CSMD1: variants seen among roughly 807,000 people sequenced by gnomAD.
CSMD1 encodes the protein CUB and sushi domain-containing protein 1.
Under a neutral mutation model 417.5 loss-of-function variants are expected in CSMD1, and 213 were observed. That is an observed-to-expected ratio of 0.51 (90% CI 0.46 to 0.57). The LOEUF (loss-of-function observed/expected upper bound fraction) is 0.57, where lower values mean the gene tolerates loss of function less well. CSMD1 is among the 20% of genes least tolerant of loss of function. The probability of loss-of-function intolerance (pLI) is 0.00; values close to 1 mark genes in which losing one functional copy is unlikely to be tolerated. For synonymous variants in CSMD1, 2,862 were observed against 1,736.8 expected (o/e 1.65, Z -16.11); for missense variants, 6,923 against 4,529.7 (o/e 1.53, Z -15.17).
At chr8:4,259,152 T>A (rs1225513063) in intron 3 of CSMD1, among the ~76,000 whole-genome samples, 1 of 152,158 alleles carries the variant, frequency 6.6e-6, no homozygotes, top group Non-Finnish European at 1.5e-5. Flanking sequence ...CTCCAAACTA[T>A]CTCACACACG....
At chr8:4,233,579 G>A (rs1020865717) in intron 3 of CSMD1, among the ~76,000 whole-genome samples, 4 of 152,142 alleles carry the variant, frequency 2.6e-5, no homozygotes, top group Non-Finnish European at 5.9e-5. Context: ...AGAAGGCCCT[G>A]TCTATGAACC....
chr8:4,216,426 T>C (rs1037251724), intron 3 of CSMD1, among the ~76,000 whole-genome samples: 1 of 152,182 alleles, frequency 6.6e-6, no homozygotes, highest in African/African-American at 2.4e-5. Flanking sequence ...TAATACTTAT[T>C]TGAAGTTCCT....
At chr8:4,386,891 A>G (rs1232840864) in intron 3 of CSMD1, among the ~76,000 whole-genome samples, 5 of 152,236 alleles carry the variant, frequency 3.3e-5, no homozygotes, top group African/African-American at 1.2e-4. Context: ...AAGGTATAGT[A>G]TCATGAATAG....
At chr8:4,415,270 C>T (rs1370177420) in intron 3 of CSMD1, among the ~76,000 whole-genome samples, 1 of 152,158 alleles carries the variant, frequency 6.6e-6, no homozygotes, top group East Asian at 1.9e-4. Flanking sequence ...GCACCCCCTC[C>T]TCCTGTAAAC....
intron 3 of CSMD1, among the ~76,000 whole-genome samples, chr8:4,139,150 G>C (rs1803622030): frequency 6.6e-6 from 1 of 152,098 alleles, no homozygotes; most frequent in African/African-American, 2.4e-5. Context: ...TTTCCTACTG[G>C]TTTTATCACA....
intron 2 of CSMD1, among the ~76,000 whole-genome samples, chr8:4,541,614 G>C (rs1333177882): frequency 6.6e-6 from 1 of 152,032 alleles, no homozygotes; most frequent in African/African-American, 2.4e-5. Context: ...CGGGCATGGT[G>C]GCAAGCACCT....
At chr8:4,384,056 GTT>G (rs11286122) in intron 3 of CSMD1, among the ~76,000 whole-genome samples, 1 of 151,806 alleles carries the variant, frequency 6.6e-6, no homozygotes. Context: ...GTTCAGTGTT[GTT>G]TTTTTTGCAC....
intron 59 of CSMD1, among the ~76,000 whole-genome samples, chr8:2,963,853 T>G (rs1256665661): frequency 6.6e-6 from 1 of 152,194 alleles, no homozygotes; most frequent in Non-Finnish European, 1.5e-5. Flanking sequence ...TCGGTCCATC[T>G]ATTTACTGAA....
chr8:3,931,370 C>T (rs1355710969), intron 5 of CSMD1, among the ~76,000 whole-genome samples: 1 of 150,488 alleles, frequency 6.6e-6, no homozygotes, highest in Non-Finnish European at 1.5e-5. Flanking sequence ...ATTTCTCAGG[C>T]TTCTATTTGA....
chr8:3,801,527 G>A (rs995195529), intron 5 of CSMD1, among the ~76,000 whole-genome samples: 4 of 152,118 alleles, frequency 2.6e-5, no homozygotes, highest in African/African-American at 9.7e-5. Context: ...TTGTCGGAAA[G>A]TAAAATGTTA....
chr8:3,797,942 C>T lies in CSMD1; in HGVS notation c.819-43900G>A, dbSNP rs551990414. 3.3e-5 allele frequency among the ~76,000 whole-genome samples: 5 copies of T among 152,116 alleles called. No individual in the cohort carries two copies. In the East Asian group the frequency reaches 9.6e-4, roughly 29 times the overall value. On this transcript the variant is annotated intron_variant, in intron 5 of 69. Coordinates refer to ENST00000635120, the MANE Select transcript of CSMD1 (RefSeq NM_033225.6). The stretch of plus-strand genomic sequence containing the variant: ...ATATTGTCAAGTTTTGTAATTTTAG[C>T]TGTTCTCATAACTATTTACTGGCAT...
At chr8:4,149,150 G>A (rs559378869) in intron 3 of CSMD1, among the ~76,000 whole-genome samples, 1 of 152,142 alleles carries the variant, frequency 6.6e-6, no homozygotes, top group South Asian at 2.1e-4. Context: ...TTTTAGTAGA[G>A]ACAGGGTTTT....
chr8:3,284,419 C>T, intron 25 of CSMD1, 73 bp from the exon 26 acceptor site: 1 of 1,180,638 alleles, frequency 8.5e-7, no homozygotes, highest in Non-Finnish European at 1.2e-6. Flanking sequence ...GTAAAGTAAG[C>T]AAGCTCATTT....
At chr8:3,400,904 T>C (rs1466459689) in intron 15 of CSMD1, among the ~76,000 whole-genome samples, 2 of 151,328 alleles carry the variant, frequency 1.3e-5, no homozygotes, top group African/African-American at 4.8e-5. Flanking sequence ...GTAATTTTTA[T>C]TAACTTGAGC....
intron 2 of CSMD1, among the ~76,000 whole-genome samples, chr8:4,439,087 G>A (rs755101360): frequency 2.0e-5 from 3 of 152,192 alleles, no homozygotes; most frequent in South Asian, 2.1e-4. Flanking sequence ...TATTTCATCT[G>A]TATTATATGG....
At chr8:4,134,983 T>A (rs1041019936) in intron 3 of CSMD1, among the ~76,000 whole-genome samples, 1 of 152,210 alleles carries the variant, frequency 6.6e-6, no homozygotes, top group Non-Finnish European at 1.5e-5. Flanking sequence ...CAGCTTAGTG[T>A]CTGGGTTCTC....
intron 50 of CSMD1, among the ~76,000 whole-genome samples, chr8:3,037,159 C>A (rs1285455513): frequency 2.0e-5 from 3 of 152,182 alleles, no homozygotes; most frequent in Non-Finnish European, 4.4e-5. Flanking sequence ...TTATTTCATT[C>A]CTTTTTATGG....
At chr8:3,904,254 C>A (rs1395097810) in intron 5 of CSMD1, among the ~76,000 whole-genome samples, 1 of 152,188 alleles carries the variant, frequency 6.6e-6, no homozygotes, top group Non-Finnish European at 1.5e-5. Flanking sequence ...ACGAATAGCA[C>A]CTTCCCTTAC....
intron 3 of CSMD1, among the ~76,000 whole-genome samples, chr8:4,295,894 C>T (rs1450693525): frequency 6.6e-6 from 1 of 150,714 alleles, no homozygotes; most frequent in South Asian, 2.1e-4. Flanking sequence ...GTCTTTTCTC[C>T]ATTGCCTGCT....
Sources: allele counts gnomAD v4.1 joint callset (sites outside exome capture counted in the v4.1 genomes callset), GRCh38; gene constraint gnomAD v4.1.1; transcripts MANE v1.5; gene names NCBI Gene and HGNC (gene_info 2026-07-23, HGNC 2026-07-21).